PREX2: variants seen among roughly 807,000 people sequenced by gnomAD.
PREX2 encodes the protein phosphatidylinositol-3,4,5-trisphosphate dependent Rac exchange factor 2.
In PREX2, 107 loss-of-function variants were observed where a neutral mutation model predicts 203.2. The observed-to-expected ratio is 0.53, with a 90% CI of 0.45 to 0.62. PREX2 has a LOEUF of 0.62. PREX2 is among the 20% of genes least tolerant of loss of function. The probability of loss-of-function intolerance (pLI) is 0.00; values close to 1 mark genes in which losing one functional copy is unlikely to be tolerated. For synonymous variants in PREX2, 672 were observed against 663.6 expected, an observed-to-expected ratio of 1.01 and a Z score of -0.19; for missense variants, 1,777 against 1,955.9, an observed-to-expected ratio of 0.91 and a Z score of 1.72.
intron 39 of PREX2, among the ~76,000 whole-genome samples, chr8:68,225,674 C>G (rs184069607): frequency 4.6e-5 from 7 of 152,292 alleles, no homozygotes; most frequent in Non-Finnish European, 1.0e-4. Flanking sequence ...ATGGTTGGAG[C>G]ACTCATGTTC....
intron 33 of PREX2, among the ~76,000 whole-genome samples, chr8:68,145,876 A>G (rs1404295792): frequency 6.6e-6 from 1 of 152,128 alleles, no homozygotes; most frequent in Non-Finnish European, 1.5e-5. Context: ...TAAAATGTGA[A>G]TGAAGCAGCT....
rs1237289874 is a variant in PREX2 at position 68,138,483 on chromosome 8, C to A, written c.4053C>A (p.Tyr1351Ter). The change falls in exon 33 of 40, where the codon TAC (tyrosine) becomes TAA (stop). Residue 1351 changes from tyrosine to a stop codon, truncating the protein, a stop_gained. Transcript: ENST00000288368. LOFTEE classifies it high-confidence loss of function. ...TTGATTTGGAAAAGGTTTCCTTTTA[C>A]TTTAAACCATCAGAAGAGGAACCTC... ...ALFDLEKVSFYFKPSEEEPLV... is the reference protein window; with the variant it reads ...ALFDLEKVSF 6.2e-7 allele frequency: 1 copy of A among 1,603,350 alleles called. No individual in the cohort carries two copies. Among genetic ancestry groups the A allele is most frequent in the African/African-American group, 1.3e-5 (1 of 74,822 alleles).
chr8:67,960,341 C>T (rs1376724549), intron 1 of PREX2, among the ~76,000 whole-genome samples: 1 of 152,090 alleles, frequency 6.6e-6, no homozygotes, highest in African/African-American at 2.4e-5. Flanking sequence ...GGTGCCCGGC[C>T]GGAAGTGGTT....
intron 23 of PREX2, among the ~76,000 whole-genome samples, chr8:68,101,203 A>C (rs1292371084): frequency 6.6e-6 from 1 of 152,184 alleles, no homozygotes; most frequent in East Asian, 1.9e-4. Flanking sequence ...TAATTAAAAT[A>C]AGCCCATATA....
chr8:67,974,554 G>A (rs1400360922), intron 1 of PREX2, among the ~76,000 whole-genome samples: 1 of 152,074 alleles, frequency 6.6e-6, no homozygotes, highest in East Asian at 1.9e-4. Context: ...GGATAACAAA[G>A]GATGCGTGAA....
chr8:68,013,821 G>A (rs1024347039), intron 1 of PREX2, among the ~76,000 whole-genome samples: 154 of 152,114 alleles, frequency 1.0e-3, no homozygotes, highest in African/African-American at 3.6e-3. Context: ...AGGTGACAGG[G>A]TGCTGCTAAA....
chr8:68,190,647 A>G (rs758746088), intron 35 of PREX2, among the ~76,000 whole-genome samples: 1 of 152,090 alleles, frequency 6.6e-6, no homozygotes, highest in Non-Finnish European at 1.5e-5. Flanking sequence ...TATTGGGTAC[A>G]ATGGTCACTA....
intron 36 of PREX2, 35 bp from the exon 37 acceptor site, chr8:68,192,300 T>C: frequency 1.3e-6 from 2 of 1,529,168 alleles, no homozygotes; most frequent in Non-Finnish European, 1.8e-6. Flanking sequence ...TTACTAAACA[T>C]GTTGAACTTG....
At chr8:68,022,864 A>G (rs911183800) in intron 4 of PREX2, among the ~76,000 whole-genome samples, 1 of 152,178 alleles carries the variant, frequency 6.6e-6, no homozygotes, top group Non-Finnish European at 1.5e-5. Context: ...TGGATATTTT[A>G]TAGAAGTGGA....
intron 37 of PREX2, among the ~76,000 whole-genome samples, chr8:68,215,704 T>A (rs910856704): frequency 3.2e-4 from 16 of 50,100 alleles, no homozygotes; most frequent in African/African-American, 3.0e-3. Context: ...CCTGGCTGAT[T>A]TTTTTTTTAT....
intron 35 of PREX2, among the ~76,000 whole-genome samples, chr8:68,163,796 C>CCT (rs1176329468): frequency 1.3e-5 from 2 of 152,100 alleles, no homozygotes; most frequent in Non-Finnish European, 1.5e-5. Context: ...AAGGTTTAAA[C>CCT]CTCACCTGTC....
chr8:68,204,508 C>T (rs993790300), intron 37 of PREX2, among the ~76,000 whole-genome samples: 1 of 151,826 alleles, frequency 6.6e-6, no homozygotes, highest in Non-Finnish European at 1.5e-5. Flanking sequence ...GCTTTTTTGC[C>T]CTAAGATAGA....
At position 68,025,040 on chromosome 8, in the gene PREX2, A is replaced by G. The variant is rs554188809; in HGVS notation, c.442-2182A>G. ...CACAGTGTTACAATTATTGCTTTCT[A>G]TATTTTTCTACAGTCTTTTATAGTT... is the stretch of plus-strand genomic sequence containing the variant. On this transcript the variant is annotated intron_variant, in intron 4 of 39. Transcript: ENST00000288368. Among the ~76,000 whole-genome samples, 10 of 152,046 alleles carry G rather than the reference A, an allele frequency of 6.6e-5. No homozygotes were observed. The South Asian group carries it at 1.0e-3, about 16-fold the overall frequency.
chr8:68,027,155 G>T lies in PREX2; in HGVS notation c.442-67G>T, dbSNP rs182948839. The stretch of plus-strand genomic sequence containing the variant: ...CTTTCACTAGTTTTTAGCATTTTAT[G>T]GTGGAAGAAAGTTTCACAGCGTGAG... On this transcript the variant is annotated intron_variant, in intron 4 of 39. Transcript: ENST00000288368. 146 of 1,159,920 alleles carry T rather than the reference G, an allele frequency of 1.3e-4. No individual in the cohort carries two copies. The African/African-American group carries it at 1.9e-3, about 15-fold the overall frequency. 71.9% of individuals were successfully genotyped at this position (1,159,920 alleles called of 1,614,324 possible). A position where few individuals can be genotyped will look rare whatever the true frequency, so the allele number is the denominator to read the frequency against.
intron 1 of PREX2, among the ~76,000 whole-genome samples, chr8:68,006,538 A>G (rs985759343): frequency 6.6e-6 from 1 of 152,062 alleles, no homozygotes; most frequent in African/African-American, 2.4e-5. Context: ...CAGCTACTAT[A>G]TGTCATCTCC....
chr8:68,202,157 C>T (rs531416771), intron 37 of PREX2, among the ~76,000 whole-genome samples: 5 of 152,258 alleles, frequency 3.3e-5, no homozygotes, highest in African/African-American at 1.2e-4. Context: ...ACCTCGGCCT[C>T]CCAAAGTGCT....
intron 1 of PREX2, among the ~76,000 whole-genome samples, chr8:68,017,601 G>T (rs1040135192): frequency 6.6e-6 from 1 of 152,144 alleles, no homozygotes; most frequent in South Asian, 2.1e-4. Flanking sequence ...TGAGATCCTG[G>T]TGGATAAATT....
At chr8:68,002,860 A>G (rs1806982937) in intron 1 of PREX2, among the ~76,000 whole-genome samples, 1 of 152,172 alleles carries the variant, frequency 6.6e-6, no homozygotes, top group African/African-American at 2.4e-5. Flanking sequence ...TAGTTTGCAG[A>G]CTGGTTAAAT....
chr8:68,164,461 C>T (rs920237112), intron 35 of PREX2, among the ~76,000 whole-genome samples: 1 of 151,584 alleles, frequency 6.6e-6, no homozygotes, highest in African/African-American at 2.4e-5. Flanking sequence ...AGCTTTTAGT[C>T]AAGCTGACTT....
Sources: allele counts gnomAD v4.1 joint callset (sites outside exome capture counted in the v4.1 genomes callset), GRCh38; gene constraint gnomAD v4.1.1; transcripts MANE v1.5; gene names NCBI Gene and HGNC (gene_info 2026-07-23, HGNC 2026-07-21).